The following ABCB1 variants were observed in gnomAD, a reference collection of about 807,000 sequenced individuals.
ABCB1 encodes the protein ATP binding cassette subfamily B member 1.
In ABCB1, 69 loss-of-function variants were observed where a neutral mutation model predicts 142.0. The observed-to-expected ratio is 0.49, with a 90% confidence interval of 0.40 to 0.59. ABCB1 has a LOEUF of 0.59. Ranked by LOEUF, ABCB1 falls within the 20% of genes least tolerant of loss-of-function variation. ABCB1 has a pLI of 0.00. For synonymous variants in ABCB1, 532 were observed against 539.2 expected (o/e 0.99, Z 0.18); for missense variants, 1,326 against 1,554.7 (o/e 0.85, Z 2.47).
intron 10 of ABCB1, 33 bp from the exon 11 acceptor site, chr7:87,550,611 G>A: frequency 6.3e-7 from 1 of 1,595,866 alleles, no homozygotes; most frequent in South Asian, 1.1e-5. Flanking sequence ...AGATTACTAG[G>A]TTACAATAAC....
At chr7:87,604,043 C>T (rs1182379387), upstream of ABCB1, among the ~76,000 whole-genome samples, 1 of 152,140 alleles carries the variant, frequency 6.6e-6, no homozygotes, top group Admixed American at 6.5e-5. Context: ...TCTATGTATC[C>T]ATATACGTTT....
chr7:87,667,024 A>T (rs1248593346), intron 1 of ABCB1, among the ~76,000 whole-genome samples: 1 of 152,166 alleles, frequency 6.6e-6, no homozygotes, highest in Non-Finnish European at 1.5e-5. Context: ...TAGTTCTGTG[A>T]AGAATGTCAC....
At chr7:87,602,424 C>G (rs551666875), upstream of ABCB1, among the ~76,000 whole-genome samples, 49 of 151,790 alleles carry the variant, frequency 3.2e-4, no homozygotes, top group South Asian at 8.9e-3. Context: ...TAACAACAAC[C>G]CTGTGGTCCA....
At chr7:87,641,412 A>G (rs1196056713) in intron 1 of ABCB1, among the ~76,000 whole-genome samples, 1 of 152,208 alleles carries the variant, frequency 6.6e-6, no homozygotes, top group Admixed American at 6.5e-5. Flanking sequence ...TGCTGAATCC[A>G]GACTAGGTTT....
At chr7:87,602,670 G>A (rs1259205770), upstream of ABCB1, among the ~76,000 whole-genome samples, 2 of 152,098 alleles carry the variant, frequency 1.3e-5, no homozygotes, top group Non-Finnish European at 2.9e-5. Context: ...ACAATCTTGA[G>A]CATCAGGTAA....
intron 1 of ABCB1, chr7:87,700,493 T>C: frequency 6.2e-7 from 1 of 1,613,736 alleles, no homozygotes; most frequent in Non-Finnish European, 8.5e-7. Flanking sequence ...TGCCGGAAAG[T>C]TTCACAGAAT....
chr7:87,530,296 A>T (rs1422686347), intron 21 of ABCB1, among the ~76,000 whole-genome samples: 3 of 152,176 alleles, frequency 2.0e-5, no homozygotes, highest in Admixed American at 1.3e-4. Context: ...TATGATACAG[A>T]TCATGTGATA....
At chr7:87,592,902 G>A (rs1316933670) in intron 3 of ABCB1, among the ~76,000 whole-genome samples, 1 of 150,162 alleles carries the variant, frequency 6.7e-6, no homozygotes, top group Admixed American at 6.6e-5. Flanking sequence ...AATCTACAGT[G>A]CACAATTCTT....
rs1814570601 is a variant in ABCB1, at chr7:87,503,319, G to A, written c.*924C>T. On this transcript the variant is annotated 3_prime_UTR_variant, in exon 28 of 28. Coordinates refer to ENST00000622132, the MANE Select transcript of ABCB1 (RefSeq NM_001348946.2). ...TTGTCGTCCAGAGTCCCAACCTTTGGAATATATTTTTTTCTTTTTTTATCA... is the reference window on the plus strand; with the variant it reads ...TTGTCGTCCAGAGTCCCAACCTTTGAAATATATTTTTTTCTTTTTTTATCA... Among the ~76,000 whole-genome samples, 1 of 151,846 alleles carries A rather than the reference G, an allele frequency of 6.6e-6. No homozygotes were observed. The highest frequency in any genetic ancestry group is 2.1e-4 in the South Asian group (1 of 4,812).
intron 1 of ABCB1, among the ~76,000 whole-genome samples, chr7:87,620,427 G>A (rs893235186): frequency 3.3e-5 from 5 of 151,992 alleles, no homozygotes; most frequent in Non-Finnish European, 7.4e-5. Flanking sequence ...CAAAGTGCTG[G>A]GATTACAGGC....
chr7:87,641,552 C>T (rs574596711), intron 1 of ABCB1, among the ~76,000 whole-genome samples: 5 of 152,188 alleles, frequency 3.3e-5, no homozygotes, highest in South Asian at 2.1e-4. Flanking sequence ...GATTTGGGGG[C>T]GACAGTAAAC....
chr7:87,568,670 C>G (rs972842560), intron 5 of ABCB1, among the ~76,000 whole-genome samples: 3 of 152,110 alleles, frequency 2.0e-5, no homozygotes, highest in African/African-American at 7.2e-5. Flanking sequence ...AACAAGTTTT[C>G]CCCAAACTCT....
chr7:87,549,072 T>A (rs1044893638), intron 14 of ABCB1, among the ~76,000 whole-genome samples: 2 of 152,216 alleles, frequency 1.3e-5, no homozygotes, highest in Non-Finnish European at 2.9e-5. Context: ...GTGTCTATAT[T>A]TCTATTTTTT....
chr7:87,529,403 C>A (rs752332404), intron 21 of ABCB1, among the ~76,000 whole-genome samples: 5 of 152,162 alleles, frequency 3.3e-5, no homozygotes, highest in Non-Finnish European at 5.9e-5. Flanking sequence ...CTGGTTGGTG[C>A]AGATCCACTA....
chr7:87,672,431 G>A (rs1031910904), intron 1 of ABCB1, among the ~76,000 whole-genome samples: 16 of 152,262 alleles, frequency 1.1e-4, no homozygotes, highest in South Asian at 2.1e-4. Flanking sequence ...TGCTGCTACC[G>A]GTGGCTGGGT....
chr7:87,516,374 G>T (rs559058561), intron 24 of ABCB1, 135 bp downstream of exon 24: 127 of 1,139,442 alleles, frequency 1.1e-4, no homozygotes, highest in Non-Finnish European at 1.5e-4. Flanking sequence ...AGCAGTAATT[G>T]AAAGGAATCT....
chr7:87,561,144 A>G, intron 8 of ABCB1, 119 bp downstream of exon 8: 1 of 1,167,074 alleles, frequency 8.6e-7, no homozygotes. Context: ...TACATCCATT[A>G]AGCTATTTAA....
At chr7:87,704,295 G>A (rs966168459) in intron 1 of ABCB1, among the ~76,000 whole-genome samples, 2 of 151,946 alleles carry the variant, frequency 1.3e-5, no homozygotes, top group African/African-American at 4.8e-5. Context: ...TTTAGGCTAA[G>A]GTTAAAGATT....
chr7:87,599,743 A>G lies in ABCB1; in HGVS notation c.68+374T>C, dbSNP rs142151647. On this transcript the variant is annotated intron_variant, in intron 2 of 27. Coordinates refer to ENST00000622132, the MANE Select transcript of ABCB1 (RefSeq NM_001348946.2). ...ATATATTGTATATTTCAAAGTAGCT[A>G]GAAGACTTAAAATGTTATCAACACA... 9.2e-5 allele frequency among the ~76,000 whole-genome samples: 14 copies of G among 152,362 alleles called. No individual in the cohort carries two copies. The East Asian group carries it at 2.7e-3, about 29-fold the overall frequency.
Sources: allele counts gnomAD v4.1 joint callset (sites outside exome capture counted in the v4.1 genomes callset), GRCh38; gene constraint gnomAD v4.1.1; transcripts MANE v1.5; gene names NCBI Gene and HGNC (gene_info 2026-07-23, HGNC 2026-07-21).